The following PATJ variants were observed in gnomAD, a reference collection of about 807,000 sequenced individuals.
PATJ encodes inaD-like protein.
PATJ carries 190 observed loss-of-function variants against 224.9 expected under a neutral mutation model. The ratio of observed to expected loss-of-function variants is 0.84; its 90% CI spans 0.75 to 0.95. The LOEUF (loss-of-function observed/expected upper bound fraction) is 0.95. Among genes scored for constraint, PATJ ranks in the 40% least tolerant of loss-of-function variants. The probability of loss-of-function intolerance (pLI) is 0.00; values close to 1 mark genes in which losing one functional copy is unlikely to be tolerated. For synonymous variants in PATJ, 769 were observed against 820.3 expected (o/e 0.94, Z 1.07); for missense variants, 2,121 against 2,270.3 (o/e 0.93, Z 1.34).
intron 31 of PATJ, among the ~76,000 whole-genome samples, chr1:62,059,292 T>A (rs571626067): frequency 6.6e-5 from 10 of 152,140 alleles, no homozygotes; most frequent in Non-Finnish European, 1.0e-4. Flanking sequence ...AAAGATGAGA[T>A]TAACCTTTTG....
At chr1:61,953,432 T>C (rs1160402322) in intron 27 of PATJ, among the ~76,000 whole-genome samples, 2 of 152,232 alleles carry the variant, frequency 1.3e-5, no homozygotes, top group African/African-American at 2.4e-5. Context: ...TCAAAACTAT[T>C]GAGCAAGAAC....
At position 62,031,369 on chromosome 1, in the gene PATJ, T is replaced by C. The variant is rs1279562313; in HGVS notation, c.3960-6608T>C. On this transcript the variant is annotated intron_variant, in intron 29 of 43. Coordinates refer to ENST00000642238, the MANE Select transcript of PATJ (RefSeq NM_001350145.3). Reference sequence around the variant, plus strand: ...CACTCCGCTGTAATATTCACCACTATACCTGCCCCATCACACAAAATGAAA... The same window carrying C: ...CACTCCGCTGTAATATTCACCACTACACCTGCCCCATCACACAAAATGAAA... 3.9e-5 allele frequency among the ~76,000 whole-genome samples: 6 copies of C among 152,224 alleles called. No homozygotes were observed. The East Asian group carries it at 1.2e-3, about 29-fold the overall frequency.
intron 7 of PATJ, among the ~76,000 whole-genome samples, chr1:61,776,571 G>C (rs1174112169): frequency 6.6e-6 from 1 of 152,036 alleles, no homozygotes; most frequent in South Asian, 2.1e-4. Flanking sequence ...GTCAAAATGG[G>C]AAGTACCACC....
chr1:62,072,185 C>T (rs1657533985), intron 31 of PATJ, among the ~76,000 whole-genome samples: 1 of 152,172 alleles, frequency 6.6e-6, no homozygotes, highest in African/African-American at 2.4e-5. Flanking sequence ...TCACTTTCCA[C>T]GTGTTTAGGC....
intron 30 of PATJ, among the ~76,000 whole-genome samples, chr1:62,049,254 C>T (rs183578780): frequency 6.7e-6 from 1 of 149,352 alleles, no homozygotes; most frequent in African/African-American, 2.5e-5. Flanking sequence ...CACACACACA[C>T]ACACACACAC....
intron 13 of PATJ, 68 bp downstream of exon 13, chr1:61,805,592 C>A: frequency 1.0e-6 from 1 of 957,750 alleles, no homozygotes; most frequent in Non-Finnish European, 1.7e-6. Flanking sequence ...ACAGTACGAT[C>A]CAAAGAAATG....
chr1:61,906,133 C>T (rs1189624827), intron 24 of PATJ, among the ~76,000 whole-genome samples: 1 of 152,038 alleles, frequency 6.6e-6, no homozygotes, highest in Non-Finnish European at 1.5e-5. Flanking sequence ...ACACATTTAC[C>T]AGTTATACAA....
chr1:62,117,854 T>C (rs1664617512), intron 37 of PATJ, among the ~76,000 whole-genome samples: 1 of 152,166 alleles, frequency 6.6e-6, no homozygotes, highest in Non-Finnish European at 1.5e-5. Flanking sequence ...ATGTGGTACA[T>C]AATGAGACTA....
intron 29 of PATJ, among the ~76,000 whole-genome samples, chr1:62,029,173 G>A (rs1279812134): frequency 6.6e-5 from 10 of 152,100 alleles, no homozygotes; most frequent in East Asian, 3.9e-4. Flanking sequence ...GGCTATTTGG[G>A]ATGCCTTGAA....
intron 29 of PATJ, among the ~76,000 whole-genome samples, chr1:62,034,357 C>A (rs1352823356): frequency 6.7e-6 from 1 of 148,972 alleles, no homozygotes; most frequent in African/African-American, 2.5e-5. Context: ...GCACGAGAGT[C>A]GCTTAAACCT....
At chr1:61,902,177 G>T (rs1452483774) in intron 24 of PATJ, among the ~76,000 whole-genome samples, 1 of 151,536 alleles carries the variant, frequency 6.6e-6, no homozygotes, top group Non-Finnish European at 1.5e-5. Flanking sequence ...GCCAAGATCG[G>T]ACTTCCCTCC....
At chr1:61,867,107 A>G (rs934510994) in intron 20 of PATJ, among the ~76,000 whole-genome samples, 22 of 152,160 alleles carry the variant, frequency 1.4e-4, no homozygotes, top group Admixed American at 1.4e-3. Flanking sequence ...TCTTGTGCCA[A>G]CATCGTGTCT....
chr1:62,056,910 T>C (rs746350861), intron 31 of PATJ, among the ~76,000 whole-genome samples: 1 of 152,166 alleles, frequency 6.6e-6, no homozygotes, highest in Non-Finnish European at 1.5e-5. Flanking sequence ...CTCTGCAACC[T>C]CCACCTCTGG....
intron 41 of PATJ, among the ~76,000 whole-genome samples, chr1:62,145,071 T>C (rs1667908768): frequency 6.6e-6 from 1 of 152,058 alleles, no homozygotes; most frequent in African/African-American, 2.4e-5. Context: ...CACCTCGGCT[T>C]CCAAAAGTGC....
rs545216325 is a variant in PATJ, at chr1:61,961,132, G to C, written c.3671-29036G>C. Among the ~76,000 whole-genome samples the C allele has an allele frequency of 3.9e-5, 6 of 152,298 alleles. No individual in the cohort carries two copies. In the South Asian group the frequency reaches 1.2e-3, roughly 32 times the overall value. Reference sequence around the variant, plus strand: ...GAGTTGGAGAAAGCTACACGCTCTGGAACGATGCCAACAGGGAGGCACTCA... The same window carrying C: ...GAGTTGGAGAAAGCTACACGCTCTGCAACGATGCCAACAGGGAGGCACTCA... On this transcript the variant is annotated intron_variant, in intron 27 of 43. Transcript: ENST00000642238.
Position 61,805,440 on chromosome 1 carries a change from A to G in PATJ, c.1550-8A>G. 1 of 1,568,020 alleles carries G rather than the reference A, an allele frequency of 6.4e-7. No individual in the cohort carries two copies. The highest frequency in any genetic ancestry group is 1.7e-5 in the Admixed American group (1 of 58,372). On this transcript the variant is annotated splice_region_variant and splice_polypyrimidine_tract_variant and intron_variant, in intron 12 of 43. Transcript: ENST00000642238. ...CTCTCGCTCTCTCTCTTTTTTTTTA[A>G]TATCCAGAAAAAGTCCCAGACTCTC...
intron 41 of PATJ, among the ~76,000 whole-genome samples, chr1:62,134,773 C>T (rs893034505): frequency 1.3e-5 from 2 of 152,290 alleles, no homozygotes; most frequent in South Asian, 2.1e-4. Context: ...GTCTGTGCCT[C>T]GGGCGCAGGC....
intron 28 of PATJ, among the ~76,000 whole-genome samples, chr1:62,017,034 T>A (rs1489800258): frequency 1.3e-5 from 2 of 152,264 alleles, no homozygotes; most frequent in African/African-American, 4.8e-5. Flanking sequence ...ATGTTCTTCA[T>A]TAACTGTAGT....
chr1:62,013,448 A>C (rs1646571699), intron 28 of PATJ: 4 of 985,250 alleles, frequency 4.1e-6, no homozygotes, highest in African/African-American at 1.7e-5. Flanking sequence ...GAGGGCCACT[A>C]TGCACAAGCT....
Sources: allele counts gnomAD v4.1 joint callset (sites outside exome capture counted in the v4.1 genomes callset), GRCh38; gene constraint gnomAD v4.1.1; transcripts MANE v1.5; gene names NCBI Gene and HGNC (gene_info 2026-07-23, HGNC 2026-07-21).